The following TTF2 variants were observed in gnomAD, a reference collection of about 807,000 sequenced individuals.
The protein encoded by TTF2 is RNA polymerase II termination factor.
A neutral mutation model predicts 142.4 loss-of-function variants in TTF2; 108 were observed. The ratio of observed to expected loss-of-function variants is 0.76; its 90% CI spans 0.65 to 0.89. The LOEUF is 0.89. TTF2 is among the 40% of genes least tolerant of loss of function. The pLI is 0.00. For synonymous variants in TTF2, 483 were observed against 506.2 expected (o/e 0.95, Z 0.61); for missense variants, 1,327 against 1,379.8 (o/e 0.96, Z 0.61).
intron 18 of TTF2, chr1:117,094,611 G>C (rs1365067082): frequency 2.1e-6 from 1 of 474,606 alleles, no homozygotes. Flanking sequence ...CATAAAGTGG[G>C]TAAAGCTCTT....
rs1453288121 is a variant in TTF2, at chr1:117,079,006, G to A, written c.1702-562G>A. 6.6e-6 allele frequency among the ~76,000 whole-genome samples: 1 copy of A among 152,170 alleles called. No homozygotes were observed. The highest frequency in any genetic ancestry group is 2.4e-5 in the African/African-American group (1 of 41,428). ...TATAATCCCAGCACTTTCGGAGGCC[G>A]AGGCAGGCAGATCACTTGAGGCCAG... On this transcript the variant is annotated intron_variant, in intron 8 of 22. Coordinates refer to ENST00000369466, the MANE Select transcript of TTF2 (RefSeq NM_003594.4). The surrounding 1 kb of genome is among the most constrained non-coding windows in gnomAD (Gnocchi z 4.2).
intron 9 of TTF2, among the ~76,000 whole-genome samples, chr1:117,081,540 C>T (rs1041471471): frequency 2.0e-5 from 3 of 152,114 alleles, no homozygotes; most frequent in Non-Finnish European, 2.9e-5. Context: ...GCACATTGTG[C>T]GGGTAATAAC....
chr1:117,089,099 A>G lies in TTF2; in HGVS notation c.2342+117A>G, dbSNP rs111646445. 1,085 of 1,093,840 alleles carry G rather than the reference A, an allele frequency of 9.9e-4. 6 individuals are homozygous for G. In the African/African-American group the frequency reaches 0.016, roughly 16 times the overall value. 67.8% of individuals were successfully genotyped at this position (1,093,840 alleles called of 1,614,324 possible). ...CAGATTATCTTGTTTAGGAGATGGC[A>G]GGCCTGTCAACCTTTAAAGGACAAA... On this transcript the variant is annotated intron_variant, in intron 13 of 22. Coordinates refer to ENST00000369466, the MANE Select transcript of TTF2 (RefSeq NM_003594.4).
In TTF2 at chr1:117,101,400, T is replaced by G. The variant is rs1388873312; in HGVS notation, c.3365T>G (p.Val1122Gly). The part of the protein sequence containing the change: ...VIHRFVCEGT[V>G]EEKILQLQEK... The stretch of plus-strand genomic sequence containing the variant: ...TTTAGATTTGTTTGTGAGGGAACAG[T>G]AGAAGAAAAGATCTTACAGCTCCAA... Residue 1122 changes from valine to glycine, a missense_variant, in exon 23 of 23, where the codon GTA becomes GGA. Transcript: ENST00000369466. The surrounding 1 kb of genome is among the most constrained non-coding windows in gnomAD (Gnocchi z 5.9). 6.3e-7 allele frequency: 1 copy of G among 1,598,270 alleles called. No individual in the cohort carries two copies. Among genetic ancestry groups the G allele is most frequent in the African/African-American group, 1.4e-5 (1 of 73,856 alleles).
chr1:117,089,682 TCA>T (rs1383173230), intron 13 of TTF2, among the ~76,000 whole-genome samples: 1 of 152,076 alleles, frequency 6.6e-6, no homozygotes, highest in African/African-American at 2.4e-5. Context: ...GAGCAAGACC[TCA>T]GTCTCTAAAG....
rs1285270569 is a variant in TTF2, at chr1:117,084,120, T to A, written c.2006T>A (p.Leu669Gln). 5.0e-6 allele frequency: 8 copies of A among 1,614,014 alleles called. No individual in the cohort carries two copies. In the Admixed American group the frequency reaches 1.3e-4, roughly 27 times the overall value. ...EVEKRVNSNK[L>Q]RVYLYHGPNR... is the part of the protein sequence containing the mutation. ...GAGAAACGGGTGAACAGCAACAAAC[T>A]AAGAGTCTATCTCTACCATGGGCCA... The change falls in exon 11 of 23, where the codon CTA (leucine) becomes CAA (glutamine). Residue 669 changes from leucine (L) to glutamine (Q), a missense_variant. By Grantham distance (113) the Leu-to-Gln change is moderately radical (BLOSUM62 -2). Coordinates refer to ENST00000369466, the MANE Select transcript of TTF2 (RefSeq NM_003594.4).
At chr1:117,081,631 C>T (rs1647519999) in intron 9 of TTF2, among the ~76,000 whole-genome samples, 197 bp from the exon 10 acceptor site, 1 of 152,116 alleles carries the variant, frequency 6.6e-6, no homozygotes, top group Non-Finnish European at 1.5e-5. Context: ...GGACCTAGAT[C>T]TCAAAGTAAA....
intron 16 of TTF2, among the ~76,000 whole-genome samples, 156 bp downstream of exon 16, chr1:117,091,566 C>T (rs141985160): frequency 4.0e-4 from 61 of 152,276 alleles, no homozygotes; most frequent in African/African-American, 1.1e-3. Context: ...ATTGCAAACA[C>T]GAGATCTGGT....
Position 117,107,234 on chromosome 1 carries a change from G to A in TTF2, c.*5710G>A, listed in dbSNP as rs576623954. 10 of 152,174 alleles carry A rather than the reference G, an allele frequency of 6.6e-5. No individual in the cohort carries two copies. The South Asian group carries it at 1.7e-3, about 25-fold the overall frequency. 9.4% of individuals were successfully genotyped at this position (152,174 alleles called of 1,614,324 possible). On this transcript the variant is annotated 3_prime_UTR_variant, in exon 23 of 23. Coordinates refer to ENST00000369466, the MANE Select transcript of TTF2 (RefSeq NM_003594.4). ...TAAATTGAGTTTGGACTCCACTGTA[G>A]TGCATGCATGAGACAGCACCCCCAA... is the stretch of plus-strand genomic sequence containing the variant.
chr1:117,063,279 A>G lies in TTF2; in HGVS notation c.218+806A>G, dbSNP rs1655830746. ...AGTTATATGTATAGTAAGATACACAAGTCTTAAGATTTCAACCAGTTGAGT... is the reference window on the plus strand; with the variant it reads ...AGTTATATGTATAGTAAGATACACAGGTCTTAAGATTTCAACCAGTTGAGT... On this transcript the variant is annotated intron_variant, in intron 3 of 22. Transcript: ENST00000369466. This position sits in a 1 kb window ranked among gnomAD's most constrained non-coding sequence, Gnocchi z 4.1. Among the ~76,000 whole-genome samples, 5 of 152,120 alleles carry G rather than the reference A, an allele frequency of 3.3e-5. No individual in the cohort carries two copies. In the South Asian group the frequency reaches 6.2e-4, roughly 19 times the overall value.
rs1433185904 is a variant in TTF2, at chr1:117,087,442, C to T, written c.2160+920C>T. On this transcript the variant is annotated intron_variant, in intron 12 of 22. Transcript: ENST00000369466. The surrounding 1 kb of genome is among the most constrained non-coding windows in gnomAD (Gnocchi z 4.8). The stretch of plus-strand genomic sequence containing the variant: ...AAGTAGCTGGGATAACAGGTGCCCG[C>T]CACTATGCTCGGCTAATTTTTTGTA... Among the ~76,000 whole-genome samples the T allele has an allele frequency of 2.6e-5, 4 of 152,282 alleles. No homozygotes were observed. In the East Asian group the frequency reaches 7.7e-4, roughly 29 times the overall value.
intron 11 of TTF2, among the ~76,000 whole-genome samples, chr1:117,084,658 A>G (rs144748555): frequency 2.0e-5 from 3 of 152,320 alleles, no homozygotes; most frequent in Non-Finnish European, 4.4e-5. Flanking sequence ...AGAGTTAACT[A>G]TAAATTCTTG....
intron 16 of TTF2, 73 bp downstream of exon 16, chr1:117,091,483 T>C: frequency 6.9e-7 from 1 of 1,443,842 alleles, no homozygotes; most frequent in Middle Eastern, 1.8e-4. Flanking sequence ...AACACAGAAA[T>C]GTGAGGTTAT....
chr1:117,095,570 C>T (rs1649047247), intron 19 of TTF2, among the ~76,000 whole-genome samples: 1 of 151,666 alleles, frequency 6.6e-6, no homozygotes, highest in African/African-American at 2.4e-5. Flanking sequence ...GTAAGCGAAG[C>T]ATCTGAAAAA....
chr1:117,061,183 G>A (rs73006003), intron 2 of TTF2, among the ~76,000 whole-genome samples: 13,906 of 152,124 alleles, frequency 0.091, 852 homozygotes, highest in African/African-American at 0.16. Flanking sequence ...TGAGCCCAGG[G>A]GTTCGAAACC....
Position 117,086,196 on chromosome 1 carries a change from G to T in TTF2, c.2055-221G>T, listed in dbSNP as rs530076576. The stretch of plus-strand genomic sequence containing the variant: ...TAGCTATAGTGAGCAGACGGTAAAT[G>T]ATCAGAGGTAAGAGATAGGGAAACC... On this transcript the variant is annotated intron_variant, in intron 11 of 22. Transcript: ENST00000369466. The surrounding 1 kb of genome is among the most constrained non-coding windows in gnomAD (Gnocchi z 4.2). 6.6e-6 allele frequency among the ~76,000 whole-genome samples: 1 copy of T among 152,160 alleles called. No homozygotes were observed. The highest frequency in any genetic ancestry group is 2.1e-4 in the South Asian group (1 of 4,822).
chr1:117,100,427 A>G lies in TTF2; in HGVS notation c.3345-953A>G, dbSNP rs532828214. On this transcript the variant is annotated intron_variant, in intron 22 of 22. Transcript: ENST00000369466. The surrounding 1 kb of genome is among the most constrained non-coding windows in gnomAD (Gnocchi z 4.6). ...CCATCACCACCGAAGGGCTCTTCCT[A>G]GCTAATCCATCTGATTGTGTCATCC... is the stretch of plus-strand genomic sequence containing the variant. Among the ~76,000 whole-genome samples the G allele has an allele frequency of 1.1e-4, 16 of 152,172 alleles. No homozygotes were observed. Among genetic ancestry groups the G allele is most frequent in the African/African-American group, 3.4e-4 (14 of 41,526 alleles).
At position 117,084,101 on chromosome 1, in the gene TTF2, C is replaced by G; in HGVS notation, c.1987C>G (p.Arg663Gly). 1 of 1,614,124 alleles carries G rather than the reference C, an allele frequency of 6.2e-7. No homozygotes were observed. The highest frequency in any genetic ancestry group is 8.5e-7 in the Non-Finnish European group (1 of 1,180,022). ...TCATTGGAAAAATGAGGTGGAGAAA[C>G]GGGTGAACAGCAACAAACTAAGAGT... ...IHHWKNEVEK[R>G]VNSNKLRVYL... is the part of the protein sequence containing the mutation. The change falls in exon 11 of 23, where the codon CGG (arginine) becomes GGG (glycine). Residue 663 changes from arginine (R) to glycine (G), a missense_variant. Arg to Gly is a moderately radical substitution (Grantham distance 125). Transcript: ENST00000369466.
chr1:117,061,928 TGGAA>T (rs1475928695), intron 2 of TTF2, among the ~76,000 whole-genome samples: 1 of 152,166 alleles, frequency 6.6e-6, no homozygotes, highest in African/African-American at 2.4e-5. Flanking sequence ...CATAATAAGT[TGGAA>T]GGGAGTGATT....
Sources: gnomAD v4.1 joint callset for allele counts (sites outside exome capture counted in the v4.1 genomes callset) on GRCh38, gnomAD v4.1.1 for gene constraint, Gnocchi (gnomAD v3.1) non-coding constraint, MANE v1.5 for transcripts, NCBI Gene and HGNC (gene_info 2026-07-23, HGNC 2026-07-21) for gene names.